POLR3A: variants seen among roughly 807,000 people sequenced by gnomAD.
POLR3A encodes the protein RNA polymerase III subunit A, also known as DNA-directed RNA polymerase III subunit RPC1.
In POLR3A, 112 loss-of-function variants were observed where a neutral mutation model predicts 152.8. That is an observed-to-expected ratio of 0.73 (90% confidence interval 0.63 to 0.86). POLR3A has a LOEUF of 0.86. Ranked by LOEUF, POLR3A falls within the 40% of genes least tolerant of loss-of-function variation. The pLI is 0.00. For missense variants in POLR3A, 1,385 were observed against 1,743.1 expected, an observed-to-expected ratio of 0.79 and a Z score of 3.66; for synonymous variants, 615 against 652.1, an observed-to-expected ratio of 0.94 and a Z score of 0.87.
intron 10 of POLR3A, among the ~76,000 whole-genome samples, chr10:78,017,150 T>C (rs988704677): frequency 6.6e-6 from 1 of 151,826 alleles, no homozygotes; most frequent in African/African-American, 2.4e-5. Context: ...TTGGGCCAGC[T>C]GTAGGGGCTA....
rs894986295 is a variant in POLR3A at position 77,976,174 on chromosome 10, G to A, written c.*1304C>T. The A allele has an allele frequency of 6.7e-6, 1 of 149,544 alleles. No individual in the cohort carries two copies. Among genetic ancestry groups the A allele is most frequent in the Non-Finnish European group, 1.5e-5 (1 of 67,606 alleles). The allele number at this position is 149,544 out of a possible 1,614,324, so 9.3% of individuals were successfully genotyped here. ...AGACAAGGTCTTGCTTTGTTGCCCA[G>A]GCTGGAGTGTAGTGGCACGATCTTG... On this transcript the variant is annotated 3_prime_UTR_variant, in exon 31 of 31. Coordinates refer to ENST00000372371, the MANE Select transcript of POLR3A (RefSeq NM_007055.4).
At position 78,010,502 on chromosome 10, in the gene POLR3A, C is replaced by A. The variant is rs757260872; in HGVS notation, c.1611G>T (p.Pro537=). The A allele has an allele frequency of 6.1e-5, 98 of 1,613,848 alleles. No individual in the cohort carries two copies. The highest frequency in any genetic ancestry group is 7.9e-5 in the Non-Finnish European group (93 of 1,179,858). ...ANLVTPRNGE[P]LIAAIQDFLT... ...GAAAATCCTGAATAGCAGCAATCAG[C>A]GGTTCCCCATTCCTCGGGGTTACAA... Residue 537 remains proline, a synonymous_variant, in exon 12 of 31, where the codon CCG becomes CCT. Transcript: ENST00000372371.
chr10:78,019,336 T>C lies in POLR3A; in HGVS notation c.1186-71A>G, dbSNP rs1554840367. ...AACTAACAAATGATACTGAAATGCG[T>C]CTTAATCTTTACTTTCCTTGTTCAG... On this transcript the variant is annotated intron_variant, in intron 8 of 30. Coordinates refer to ENST00000372371, the MANE Select transcript of POLR3A (RefSeq NM_007055.4). The C allele has an allele frequency of 9.7e-6, 10 of 1,031,056 alleles. No homozygotes were observed. The South Asian group carries it at 1.1e-4, about 12-fold the overall frequency. 63.9% of individuals were successfully genotyped at this position (1,031,056 alleles called of 1,614,324 possible).
chr10:77,993,419 G>T, intron 19 of POLR3A, 52 bp from the exon 20 acceptor site: 4 of 1,378,012 alleles, frequency 2.9e-6, no homozygotes, highest in Non-Finnish European at 4.1e-6. Context: ...CTAGTCACAT[G>T]GGGAGAGGAT....
At chr10:78,012,774 T>C (rs1197268464) in intron 11 of POLR3A, among the ~76,000 whole-genome samples, 3 of 152,060 alleles carry the variant, frequency 2.0e-5, no homozygotes, top group Non-Finnish European at 4.4e-5. Flanking sequence ...CAGGCTGAAC[T>C]GCAGTGGTGC....
intron 5 of POLR3A, 27 bp from the exon 6 acceptor site, chr10:78,022,411 GGA>G (rs1272572138): frequency 6.2e-6 from 10 of 1,610,860 alleles, no homozygotes; most frequent in Middle Eastern, 1.6e-4. Context: ...AGGCAGAAAT[GGA>G]GATACTATGT....
Position 77,977,133 on chromosome 10 carries a change from T to G in POLR3A, c.*345A>C, listed in dbSNP as rs74538796. On this transcript the variant is annotated 3_prime_UTR_variant, in exon 31 of 31. Transcript: ENST00000372371. ...GTGTGAAGACACCATGGGGAGCCGA[T>G]GGATGTATGCAGTGAGCTGGGATGG... The G allele has an allele frequency of 1.8e-3, 620 of 341,738 alleles. 3 individuals are homozygous for G. The highest frequency in any genetic ancestry group is 0.012 in the African/African-American group (592 of 47,410). The allele number at this position is 341,738 out of a possible 1,614,324, so 21.2% of individuals were successfully genotyped here.
At chr10:77,996,257 G>A (rs1847299252) in intron 19 of POLR3A, among the ~76,000 whole-genome samples, 1 of 152,106 alleles carries the variant, frequency 6.6e-6, no homozygotes. Context: ...AAGAATAAGA[G>A]AAGCAAGAGC....
At chr10:77,986,817 G>A (rs954585470) in intron 21 of POLR3A, among the ~76,000 whole-genome samples, 3 of 152,170 alleles carry the variant, frequency 2.0e-5, no homozygotes, top group African/African-American at 7.2e-5. Context: ...ATCAGTATAT[G>A]CTGCGATTCC....
chr10:78,006,269 C>T (rs1288188485), intron 15 of POLR3A, among the ~76,000 whole-genome samples: 1 of 151,618 alleles, frequency 6.6e-6, no homozygotes, highest in Non-Finnish European at 1.5e-5. Context: ...TGGTGGCAGG[C>T]ACCTGTAGTC....
intron 10 of POLR3A, among the ~76,000 whole-genome samples, chr10:78,014,234 G>A (rs1039502519): frequency 6.6e-6 from 1 of 151,856 alleles, no homozygotes; most frequent in Admixed American, 6.6e-5. Flanking sequence ...CAACAAAGGC[G>A]CCAGTGTGAA....
intron 29 of POLR3A, among the ~76,000 whole-genome samples, chr10:77,980,569 C>T (rs1461909536): frequency 1.3e-5 from 2 of 151,584 alleles, no homozygotes; most frequent in Non-Finnish European, 2.9e-5. Context: ...TTTCTTATGG[C>T]TCAAAGAACT....
intron 30 of POLR3A, among the ~76,000 whole-genome samples, chr10:77,978,611 C>T (rs563975712): frequency 6.6e-6 from 1 of 152,188 alleles, no homozygotes; most frequent in East Asian, 1.9e-4. Context: ...TGTGTACCTC[C>T]CTCTGGCCCC....
At position 77,982,194 on chromosome 10, in the gene POLR3A, C is replaced by G. The variant is rs780134456; in HGVS notation, c.3719G>C (p.Gly1240Ala). Reference sequence around the variant, plus strand: ...GGAGGTGGTTCGGGTGCCCTTCACACCGTGTGTGGCCATGACTGCCCGCAG... The same window carrying G: ...GGAGGTGGTTCGGGTGCCCTTCACAGCGTGTGTGGCCATGACTGCCCGCAG... Reference protein sequence around the residue: ...DNLRAVMATHGVKGTRTTSNN... With the variant: ...DNLRAVMATHAVKGTRTTSNN... Residue 1240 changes from glycine to alanine, a missense_variant, in exon 28 of 31, where the codon GGT (glycine) becomes GCT (alanine). Transcript: ENST00000372371. The G allele has an allele frequency of 6.2e-7, 1 of 1,614,102 alleles. No individual in the cohort carries two copies. The highest frequency in any genetic ancestry group is 8.5e-7 in the Non-Finnish European group (1 of 1,180,022).
chr10:77,989,911 A>C (rs1474057615), intron 21 of POLR3A, among the ~76,000 whole-genome samples: 1 of 152,042 alleles, frequency 6.6e-6, no homozygotes, highest in Non-Finnish European at 1.5e-5. Flanking sequence ...GCCTTGCCAC[A>C]CTCTTGATTT....
rs1457286512 is a variant in POLR3A, at chr10:77,984,340, G to C, written c.3243-42C>G. 7 of 1,092,246 alleles carry C rather than the reference G, an allele frequency of 6.4e-6. No homozygotes were observed. In the East Asian group the frequency reaches 1.2e-4, roughly 18 times the overall value. 67.7% of individuals were successfully genotyped at this position (1,092,246 alleles called of 1,614,324 possible). On this transcript the variant is annotated intron_variant, in intron 24 of 30. Transcript: ENST00000372371. ...GAAAAATGGCACTAGCACAAGGGAG[G>C]AGGCTGTTTGAGGACTACTGCTTTG...
In POLR3A at chr10:78,026,193, C is replaced by A; in HGVS notation, c.81G>T (p.Glu27Asp). 6.2e-7 allele frequency: 1 copy of A among 1,613,972 alleles called. No individual in the cohort carries two copies. The highest frequency in any genetic ancestry group is 8.5e-7 in the Non-Finnish European group (1 of 1,179,790). The part of the protein sequence containing the change: ...HICFGMKSPE[E>D]MRQQAHIQVV... ...CTTGGATGTGCGCCTGCTGGCGCAT[C>A]TCCTCAGGTGACTTCATTCCAAAAC... The change falls in exon 2 of 31, where the codon GAG becomes GAT. Residue 27 changes from glutamate to aspartate, a missense_variant. Transcript: ENST00000372371.
intron 20 of POLR3A, among the ~76,000 whole-genome samples, chr10:77,991,492 A>G (rs1847247605): frequency 6.6e-6 from 1 of 152,150 alleles, no homozygotes; most frequent in African/African-American, 2.4e-5. Flanking sequence ...ACATTTCAAG[A>G]GTGAAAATAT....
At chr10:77,994,101 G>C (rs966591265) in intron 19 of POLR3A, among the ~76,000 whole-genome samples, 3 of 152,192 alleles carry the variant, frequency 2.0e-5, no homozygotes, top group South Asian at 2.1e-4. Context: ...TATGACAAGA[G>C]TGGTAAAAGT....
Sources: allele counts gnomAD v4.1 joint callset (sites outside exome capture counted in the v4.1 genomes callset), GRCh38; gene constraint gnomAD v4.1.1; transcripts MANE v1.5; gene names NCBI Gene and HGNC (gene_info 2026-07-23, HGNC 2026-07-21).